The following PSMD1 variants were observed in gnomAD, a reference collection of about 807,000 sequenced individuals.
PSMD1 encodes the protein 26S proteasome non-ATPase regulatory subunit 1.
A neutral mutation model predicts 119.0 loss-of-function variants in PSMD1; 18 were observed. That is an observed-to-expected ratio of 0.15 (90% CI 0.10 to 0.22). PSMD1 has a LOEUF of 0.22. Among genes scored for constraint, PSMD1 ranks in the 10% least tolerant of loss-of-function variants. PSMD1 has a pLI of 1.00. For missense variants in PSMD1, 702 were observed against 1,158.5 expected (o/e 0.61, Z 5.72); for synonymous variants, 374 against 396.6 (o/e 0.94, Z 0.68).
chr2:231,086,831 C>CT, intron 15 of PSMD1, among the ~76,000 whole-genome samples: 1 of 152,270 alleles, frequency 6.6e-6, no homozygotes, highest in Non-Finnish European at 1.5e-5. Context: ...AATCCCAGCA[C>CT]TTTGTGAGGC....
At chr2:231,154,927 A>C (rs920001105) in intron 19 of PSMD1, among the ~76,000 whole-genome samples, 12 of 152,230 alleles carry the variant, frequency 7.9e-5, no homozygotes, top group African/African-American at 2.9e-4. Flanking sequence ...CATACAGAGC[A>C]CACTGTGCCA....
chr2:231,096,905 G>C (rs1282344976), intron 16 of PSMD1, among the ~76,000 whole-genome samples: 2 of 152,214 alleles, frequency 1.3e-5, no homozygotes, highest in South Asian at 2.1e-4. Context: ...TTAGGGTGGA[G>C]CAGATGATCG....
chr2:231,061,043 G>A (rs1574700157), intron 1 of PSMD1, among the ~76,000 whole-genome samples: 2 of 152,176 alleles, frequency 1.3e-5, no homozygotes, highest in African/African-American at 4.8e-5. Context: ...CATTGAATTA[G>A]GCAAATGATG....
chr2:231,161,401 G>A lies in PSMD1; in HGVS notation c.2280G>A (p.Val760=). 3 of 1,613,790 alleles carry A rather than the reference G, an allele frequency of 1.9e-6. No individual in the cohort carries two copies. The highest frequency in any genetic ancestry group is 2.5e-6 in the Non-Finnish European group (3 of 1,179,742). Residue 760 remains valine, a synonymous_variant, in exon 20 of 25, where the codon GTG becomes GTA. Coordinates refer to ENST00000308696, the MANE Select transcript of PSMD1 (RefSeq NM_002807.4). Reference sequence around the variant, plus strand: ...CTGGGCATACTCATATGCCTTCTGTGGTTGGCGTCCTTGTATTTACCCAGT... The same window carrying A: ...CTGGGCATACTCATATGCCTTCTGTAGTTGGCGTCCTTGTATTTACCCAGT... The part of the protein sequence containing the change: ...SRTGHTHMPS[V]VGVLVFTQFW...
intron 7 of PSMD1, among the ~76,000 whole-genome samples, chr2:231,073,143 A>G (rs576045230): frequency 6.6e-6 from 1 of 152,318 alleles, no homozygotes; most frequent in East Asian, 1.9e-4. Flanking sequence ...AGCAGTCAGA[A>G]CACACACATT....
intron 17 of PSMD1, among the ~76,000 whole-genome samples, chr2:231,143,339 C>G (rs140819623): frequency 0.022 from 3,403 of 151,706 alleles, 133 homozygotes; most frequent in African/African-American, 0.079. Flanking sequence ...AAGTGATTCT[C>G]CTGCCTCAGC....
intron 17 of PSMD1, among the ~76,000 whole-genome samples, chr2:231,139,340 T>G (rs1696049338): frequency 6.8e-6 from 1 of 146,398 alleles, no homozygotes; most frequent in Admixed American, 6.8e-5. Context: ...TTTTTTTTCT[T>G]TTGAGTCTTG....
intron 21 of PSMD1, chr2:231,164,995 C>T: frequency 8.7e-6 from 1 of 114,290 alleles, no homozygotes; most frequent in Non-Finnish European, 1.8e-5. Flanking sequence ...AGTAAATGTC[C>T]TGCTTAGTTT....
At chr2:231,074,938 C>A (rs1694126007) in intron 7 of PSMD1, among the ~76,000 whole-genome samples, 1 of 152,200 alleles carries the variant, frequency 6.6e-6, no homozygotes, top group South Asian at 2.1e-4. Context: ...AAGCAATCTT[C>A]CCACTTCAGC....
chr2:231,144,294 C>G (rs901757676), intron 17 of PSMD1, among the ~76,000 whole-genome samples: 2 of 151,402 alleles, frequency 1.3e-5, no homozygotes, highest in African/African-American at 4.8e-5. Flanking sequence ...TCTTGTTGCC[C>G]AGGCCGGAGT....
At chr2:231,102,404 C>T (rs780348253) in intron 16 of PSMD1, among the ~76,000 whole-genome samples, 1 of 152,132 alleles carries the variant, frequency 6.6e-6, no homozygotes, top group African/African-American at 2.4e-5. Context: ...CGAAAATTCA[C>T]GTATAACTTT....
At chr2:231,132,897 G>A (rs1384463109) in intron 16 of PSMD1, among the ~76,000 whole-genome samples, 4 of 152,128 alleles carry the variant, frequency 2.6e-5, no homozygotes, top group Non-Finnish European at 2.9e-5. Context: ...TTGACTTGGC[G>A]GCAGATTATA....
At position 231,161,498 on chromosome 2, in the gene PSMD1, A is replaced by G. The variant is rs750161587; in HGVS notation, c.2377A>G (p.Lys793Glu). The G allele has an allele frequency of 2.5e-6, 4 of 1,613,452 alleles. No homozygotes were observed. In the African/African-American group the frequency reaches 5.3e-5, roughly 22 times the overall value. ...CCCTACCTGTGTCATTGGCCTTAAC[A>G]AGGACTTAAAGGTATGTCTGTGAGA... ...YTPTCVIGLN[K>E]DLKMPKVQYK... The change falls in exon 20 of 25, where the codon AAG (lysine) becomes GAG (glutamate). Residue 793 changes from lysine to glutamate, a missense_variant. Physicochemically the swap from Lys to Glu is moderately conservative, Grantham distance 56. Around this residue, in one of 9 missense-constraint regions of PSMD1, gnomAD observed 152 missense variants for 239.3 expected, o/e 0.64. Transcript: ENST00000308696.
chr2:231,121,647 G>GT (rs1314893206), intron 16 of PSMD1, among the ~76,000 whole-genome samples: 1 of 151,974 alleles, frequency 6.6e-6, no homozygotes, highest in African/African-American at 2.4e-5. Context: ...TTTGTATTTT[G>GT]TTTGTTAGCT....
intron 16 of PSMD1, among the ~76,000 whole-genome samples, chr2:231,112,109 C>CT (rs1022450596): frequency 1.3e-5 from 2 of 152,128 alleles, no homozygotes; most frequent in African/African-American, 2.4e-5. Flanking sequence ...ATTTCTTCAA[C>CT]TTTTTTTCCC....
At chr2:231,139,133 G>A in intron 17 of PSMD1, 2 of 427,506 alleles carry the variant, frequency 4.7e-6, no homozygotes, top group Non-Finnish European at 8.7e-6. Flanking sequence ...TGTTTTTTTT[G>A]TTTGTTTATT....
intron 16 of PSMD1, among the ~76,000 whole-genome samples, chr2:231,098,984 G>A (rs1277816765): frequency 6.6e-6 from 1 of 152,186 alleles, no homozygotes; most frequent in Non-Finnish European, 1.5e-5. Flanking sequence ...TCACACTGGA[G>A]TCCTTTTAGA....
intron 17 of PSMD1, among the ~76,000 whole-genome samples, chr2:231,142,468 T>G (rs1270239813): frequency 6.6e-6 from 1 of 152,210 alleles, no homozygotes; most frequent in African/African-American, 2.4e-5. Context: ...TTCAGATTAT[T>G]CTGAACTTAA....
rs539808432 is a variant in PSMD1, at chr2:231,146,300, G to T, written c.2059G>T (p.Ala687Ser). The part of the protein sequence containing the change: ...NDPVNYVRQG[A>S]LIASALIMIQ... Reference sequence around the variant, plus strand: ...CCCCGTGAACTACGTGAGGCAAGGGGCACTCATAGCTTCAGCTCTCATCAT... The same window carrying T: ...CCCCGTGAACTACGTGAGGCAAGGGTCACTCATAGCTTCAGCTCTCATCAT... Residue 687 changes from alanine (A) to serine (S), a missense_variant, in exon 18 of 25, where the codon GCA (alanine) becomes TCA (serine). By Grantham distance (99) the Ala-to-Ser change is moderately conservative. Transcript: ENST00000308696. 4 of 1,613,754 alleles carry T rather than the reference G, an allele frequency of 2.5e-6. No individual in the cohort carries two copies. The highest frequency in any genetic ancestry group is 3.4e-6 in the Non-Finnish European group (4 of 1,179,884).
Sources: allele counts gnomAD v4.1 joint callset (sites outside exome capture counted in the v4.1 genomes callset), GRCh38; gene constraint gnomAD v4.1.1; regional missense constraint gnomAD v4.1.1; transcripts MANE v1.5; gene names NCBI Gene and HGNC (gene_info 2026-07-23, HGNC 2026-07-21).